The following SLC25A46 variants were observed in gnomAD, a reference collection of about 807,000 sequenced individuals.
The protein encoded by SLC25A46 is solute carrier family 25 member 46.
SLC25A46 carries 39 observed loss-of-function variants against 44.6 expected under a neutral mutation model. The ratio of observed to expected loss-of-function variants is 0.87; its 90% confidence interval spans 0.68 to 1.14. The LOEUF (loss-of-function observed/expected upper bound fraction) is 1.14. Ranked by LOEUF, SLC25A46 falls within the 50% of genes most tolerant of loss-of-function variation. The pLI is 0.00. For missense variants in SLC25A46, 547 were observed against 522.7 expected (o/e 1.05, Z -0.45); for synonymous variants, 202 against 185.8 (o/e 1.09, Z -0.71).
chr5:110,750,796 C>G (rs1045139741), intron 5 of SLC25A46, among the ~76,000 whole-genome samples: 6 of 152,176 alleles, frequency 3.9e-5, no homozygotes, highest in African/African-American at 1.4e-4. Context: ...ATATTTGCAA[C>G]CAGAACACTA....
rs778735657 is a variant in SLC25A46, at chr5:110,763,009, C to G, written c.*1227C>G. 1 of 151,812 alleles carries G rather than the reference C, an allele frequency of 6.6e-6. No individual in the cohort carries two copies. The highest frequency in any genetic ancestry group is 1.5e-5 in the Non-Finnish European group (1 of 67,862). 9.4% of individuals were successfully genotyped at this position (151,812 alleles called of 1,614,324 possible). Reference sequence around the variant, plus strand: ...ATTTTATGGGTGAGGGGAAAAAGTACATTTGTACATTTCAACATATAATAA... The same window carrying G: ...ATTTTATGGGTGAGGGGAAAAAGTAGATTTGTACATTTCAACATATAATAA... On this transcript the variant is annotated 3_prime_UTR_variant, in exon 8 of 8. Transcript: ENST00000355943.
At chr5:110,745,291 T>C (rs980594811) in intron 3 of SLC25A46, among the ~76,000 whole-genome samples, 1 of 152,168 alleles carries the variant, frequency 6.6e-6, no homozygotes, top group Non-Finnish European at 1.5e-5. Context: ...TCTCGCTCTG[T>C]TGCCCAAACT....
intron 7 of SLC25A46, among the ~76,000 whole-genome samples, chr5:110,759,989 A>T (rs1580869729): frequency 6.6e-6 from 1 of 152,266 alleles, no homozygotes; most frequent in South Asian, 2.1e-4. Flanking sequence ...TTAGGTTGAG[A>T]CATCGTAAGT....
chr5:110,755,549 T>A (rs188062004), intron 6 of SLC25A46, 28 bp downstream of exon 6: 2 of 1,447,422 alleles, frequency 1.4e-6, no homozygotes, highest in Non-Finnish European at 1.9e-6. Flanking sequence ...GCATTTTTAT[T>A]GGGCATTTTC....
intron 1 of SLC25A46, among the ~76,000 whole-genome samples, chr5:110,741,271 G>A (rs1339764307): frequency 6.6e-6 from 1 of 152,184 alleles, no homozygotes; most frequent in East Asian, 1.9e-4. Flanking sequence ...CATATGCATA[G>A]GAATGTTCCC....
Position 110,761,498 on chromosome 5 carries a change from C to T in SLC25A46, c.973C>T (p.Leu325Phe). The part of the protein sequence containing the change: ...PELIANFAAS[L>F]CSDVILYPLE... ...ACTTATTGCTAACTTTGCTGCCAGT[C>T]TTTGTTCTGACGTTATACTTTACCC... The change falls in exon 8 of 8, where the codon CTT becomes TTT. Residue 325 changes from leucine to phenylalanine, a missense_variant. Leu to Phe is a conservative substitution (Grantham distance 22). Coordinates refer to ENST00000355943, the MANE Select transcript of SLC25A46 (RefSeq NM_138773.4). The surrounding 1 kb of genome is among the most constrained non-coding windows in gnomAD (Gnocchi z 5.3). 6.2e-7 allele frequency: 1 copy of T among 1,613,828 alleles called. No individual in the cohort carries two copies. Among genetic ancestry groups the T allele is most frequent in the Non-Finnish European group, 8.5e-7 (1 of 1,179,804 alleles).
chr5:110,739,744 G>A lies in SLC25A46; in HGVS notation c.283+342G>A, dbSNP rs1799584842. Among the ~76,000 whole-genome samples, 5 of 152,060 alleles carry A rather than the reference G, an allele frequency of 3.3e-5. No homozygotes were observed. In the South Asian group the frequency reaches 1.0e-3, roughly 32 times the overall value. ...TTCACTTTGGCAGCTCTATTTTCTT[G>A]ATTTAATTAATTAATTAATGTGTTT... On this transcript the variant is annotated intron_variant, in intron 1 of 7. Transcript: ENST00000355943.
intron 2 of SLC25A46, 50 bp from the exon 3 acceptor site, chr5:110,743,680 T>G: frequency 9.2e-7 from 1 of 1,086,920 alleles, no homozygotes; most frequent in East Asian, 2.9e-5. Context: ...TGTTGTAAAT[T>G]TAATTTATCT....
intron 3 of SLC25A46, 149 bp from the exon 4 acceptor site, chr5:110,746,120 T>C: frequency 3.2e-6 from 2 of 633,050 alleles, no homozygotes; most frequent in Non-Finnish European, 5.5e-6. Flanking sequence ...TTTAAAGCAC[T>C]TTTAAGAGTA....
intron 1 of SLC25A46, among the ~76,000 whole-genome samples, chr5:110,740,440 C>A (rs1268574265): frequency 6.6e-6 from 1 of 152,056 alleles, no homozygotes; most frequent in African/African-American, 2.4e-5. Context: ...TTTGACTCTT[C>A]CCGGTTTAAA....
rs1004215436 is a variant in SLC25A46 at position 110,764,441 on chromosome 5, T to C, written c.*2659T>C. The stretch of plus-strand genomic sequence containing the variant: ...AGCACTAGATGTCATAAATATGAAA[T>C]AGTAAAAACAAGGTCACTTGAAAAT... On this transcript the variant is annotated 3_prime_UTR_variant, in exon 8 of 8. Transcript: ENST00000355943. 1.3e-5 allele frequency: 2 copies of C among 151,806 alleles called. No homozygotes were observed. The highest frequency in any genetic ancestry group is 2.4e-5 in the African/African-American group (1 of 41,384). The allele number at this position is 151,806 out of a possible 1,614,324, so 9.4% of individuals were successfully genotyped here. A position where few individuals can be genotyped will look rare whatever the true frequency, so the allele number is the denominator to read the frequency against.
At chr5:110,750,497 T>C (rs1580862225) in intron 5 of SLC25A46, among the ~76,000 whole-genome samples, 2 of 152,286 alleles carry the variant, frequency 1.3e-5, no homozygotes, top group Non-Finnish European at 2.9e-5. Flanking sequence ...GATACCAAAA[T>C]CCAGAGATGC....
In SLC25A46 at chr5:110,739,284, G is replaced by GC. The variant is rs1057519416; in HGVS notation, c.166dup (p.His56ProfsTer40). On this transcript the variant is annotated frameshift_variant, in exon 1 of 8. Transcript: ENST00000355943. LOFTEE classifies it high-confidence loss of function. Reference sequence around the variant, plus strand: ...CAGATATCCCCGGCAGCCGCAACCTGCACTGGGGCGAGAAGAGCCCGCCCT... The same window carrying GC: ...CAGATATCCCCGGCAGCCGCAACCTGCCACTGGGGCGAGAAGAGCCCGCCCT... The GC allele has an allele frequency of 1.6e-5, 25 of 1,575,104 alleles. No homozygotes were observed. The highest frequency in any genetic ancestry group is 2.2e-5 in the Non-Finnish European group (25 of 1,160,646).
rs1800246808 is a variant in SLC25A46, at chr5:110,761,405, A to G, written c.880A>G (p.Thr294Ala). The change falls in exon 8 of 8, where the codon ACT becomes GCT. Residue 294 changes from threonine (T) to alanine (A), a missense_variant. Thr to Ala is a moderately conservative substitution (Grantham distance 58). Coordinates refer to ENST00000355943, the MANE Select transcript of SLC25A46 (RefSeq NM_138773.4). This position sits in a 1 kb window ranked among gnomAD's most constrained non-coding sequence, Gnocchi z 5.3. ...TGTCCTACTAATTCTAAAGAGAAAG[A>G]CTTACAATAGCCACCTAGCTGAGAG... ...KFVLLILKRK[T>A]YNSHLAESTS... The G allele has an allele frequency of 6.2e-7, 1 of 1,613,714 alleles. No individual in the cohort carries two copies.
chr5:110,738,329 T>C (rs1799431715), upstream of SLC25A46: 2 of 1,078,760 alleles, frequency 1.9e-6, no homozygotes, highest in African/African-American at 1.7e-5. Context: ...GGGATTTCAA[T>C]ACCCTGAGTG....
intron 1 of SLC25A46, among the ~76,000 whole-genome samples, chr5:110,740,877 G>A (rs1482781862): frequency 1.3e-5 from 2 of 152,158 alleles, no homozygotes; most frequent in Non-Finnish European, 2.9e-5. Context: ...GCGTGAACCC[G>A]GGAGGCGGAG....
In SLC25A46 at chr5:110,761,865, C is replaced by A; in HGVS notation, c.*83C>A. ...AGTTATGAGGGATACAAGTGAAATACTGGGGAAGAAAATGGATTGGAAAGT... is the reference window on the plus strand; with the variant it reads ...AGTTATGAGGGATACAAGTGAAATAATGGGGAAGAAAATGGATTGGAAAGT... On this transcript the variant is annotated 3_prime_UTR_variant, in exon 8 of 8. Coordinates refer to ENST00000355943, the MANE Select transcript of SLC25A46 (RefSeq NM_138773.4). This position sits in a 1 kb window ranked among gnomAD's most constrained non-coding sequence, Gnocchi z 5.3. 2.6e-6 allele frequency: 3 copies of A among 1,144,970 alleles called. No individual in the cohort carries two copies. Among genetic ancestry groups the A allele is most frequent in the Non-Finnish European group, 2.4e-6 (2 of 827,212 alleles). 70.9% of individuals were successfully genotyped at this position (1,144,970 alleles called of 1,614,324 possible).
At chr5:110,760,736 A>G (rs1431528268) in intron 7 of SLC25A46, among the ~76,000 whole-genome samples, 1 of 152,096 alleles carries the variant, frequency 6.6e-6, no homozygotes, top group African/African-American at 2.4e-5. Context: ...AATATTCACA[A>G]CAACCCTGTG....
At chr5:110,758,912 A>G (rs949631583) in intron 7 of SLC25A46, among the ~76,000 whole-genome samples, 1 of 152,192 alleles carries the variant, frequency 6.6e-6, no homozygotes, top group Admixed American at 6.5e-5. Context: ...AAGGATTCAT[A>G]TTGACTCATA....
Sources: gnomAD v4.1 joint callset for allele counts (sites outside exome capture counted in the v4.1 genomes callset) on GRCh38, gnomAD v4.1.1 for gene constraint, Gnocchi (gnomAD v3.1) non-coding constraint, MANE v1.5 for transcripts, NCBI Gene and HGNC (gene_info 2026-07-23, HGNC 2026-07-21) for gene names.